CELA1: variants seen among roughly 807,000 people sequenced by gnomAD.
CELA1 encodes the protein chymotrypsin like elastase 1.
Under a neutral mutation model 34.8 loss-of-function variants are expected in CELA1, and 28 were observed. That is an observed-to-expected ratio of 0.80 (90% CI 0.60 to 1.10). CELA1 has a LOEUF of 1.10. CELA1 is among the 50% of genes least tolerant of loss of function. The probability of loss-of-function intolerance (pLI) is 0.00; values close to 1 mark genes in which losing one functional copy is unlikely to be tolerated. For synonymous variants in CELA1, 140 were observed against 129.8 expected (o/e 1.08, Z -0.53); for missense variants, 288 against 327.5 (o/e 0.88, Z 0.93).
At position 51,339,826 on chromosome 12, in the gene CELA1, G is replaced by A. The variant is rs758815666; in HGVS notation, c.609+34C>T. 90 of 1,583,224 alleles carry A rather than the reference G, an allele frequency of 5.7e-5. 1 individual carries two copies. The highest frequency in any genetic ancestry group is 2.4e-4 in the South Asian group (20 of 84,016). On this transcript the variant is annotated intron_variant, in intron 6 of 7. Coordinates refer to ENST00000293636, the MANE Select transcript of CELA1 (RefSeq NM_001971.6). ...GGTGGAGGGATAGGCAGAGAGTGGC[G>A]GGACCTGGGGTGGGACCCCCTGCAA...
intron 5 of CELA1, among the ~76,000 whole-genome samples, chr12:51,340,376 A>ATTTC (rs1363412993): frequency 1.5e-5 from 2 of 136,196 alleles, no homozygotes; most frequent in African/African-American, 5.4e-5. Context: ...GCTTGTTTCC[A>ATTTC]TTTCTTTCTT....
chr12:51,338,207 C>T lies in CELA1; in HGVS notation c.609+1653G>A, dbSNP rs1307498426. Among the ~76,000 whole-genome samples, 13 of 148,968 alleles carry T rather than the reference C, an allele frequency of 8.7e-5. No homozygotes were observed. In the Middle Eastern group the frequency reaches 0.01, roughly 118 times the overall value. ...GAGCTGAGATTGCGCCACTGCACTC[C>T]AGTCTGGGCGACAGAGTGAGACTCC... On this transcript the variant is annotated intron_variant, in intron 6 of 7. Coordinates refer to ENST00000293636, the MANE Select transcript of CELA1 (RefSeq NM_001971.6).
rs1390374592 is a variant in CELA1, at chr12:51,338,285, CACAT to C, written c.609+1571_609+1574del. ...ACACACACACACACACACACACACA[CACAT>C]ACACATACGCATACATATATATATA... On this transcript the variant is annotated intron_variant, in intron 6 of 7. Coordinates refer to ENST00000293636, the MANE Select transcript of CELA1 (RefSeq NM_001971.6). 5.1e-3 allele frequency among the ~76,000 whole-genome samples: 647 copies of C among 126,082 alleles called. 10 individuals carry two copies. The highest frequency in any genetic ancestry group is 0.013 in the East Asian group (57 of 4,456). 82.7% of individuals were successfully genotyped at this position (126,082 alleles called of 152,430 possible).
intron 4 of CELA1, 111 bp from the exon 5 acceptor site, chr12:51,341,491 A>G (rs1172532682): frequency 1.6e-6 from 2 of 1,214,652 alleles, no homozygotes; most frequent in East Asian, 2.4e-5. Flanking sequence ...GAAAGTGACG[A>G]CTTTGAAGAA....
At chr12:51,341,637 T>C (rs892732876) in intron 4 of CELA1, among the ~76,000 whole-genome samples, 3 of 152,036 alleles carry the variant, frequency 2.0e-5, no homozygotes, top group African/African-American at 7.2e-5. Context: ...CCCCGGGAAG[T>C]AGAGAATGGG....
chr12:51,330,501 A>T (rs910996378), intron 6 of CELA1, among the ~76,000 whole-genome samples: 3 of 152,218 alleles, frequency 2.0e-5, no homozygotes, highest in African/African-American at 7.2e-5. Flanking sequence ...AGACCTAAAG[A>T]TACTGACATT....
chr12:51,345,933 A>G, intron 1 of CELA1, 56 bp from the exon 2 acceptor site: 10 of 820,902 alleles, frequency 1.2e-5, no homozygotes, highest in South Asian at 2.9e-5. Context: ...AGCCAGGGGT[A>G]GGGGTGGGGG....
Position 51,339,983 on chromosome 12 carries a change from G to T in CELA1, c.486C>A (p.Thr162=). 1 of 1,613,794 alleles carries T rather than the reference G, an allele frequency of 6.2e-7. No individual in the cohort carries two copies. Among genetic ancestry groups the T allele is most frequent in the South Asian group, 1.1e-5 (1 of 91,024 alleles). ...KTKTNGQLAQ[T]LQQAYLPSVD... ...CAGAGGGCAGGTAAGCCTGCTGCAGGGTCTGGGCCAGCTGCCCATTGGCTG... is the reference window on the plus strand; with the variant it reads ...CAGAGGGCAGGTAAGCCTGCTGCAGTGTCTGGGCCAGCTGCCCATTGGCTG... The change falls in exon 6 of 8, where the codon ACC becomes ACA. Residue 162 remains threonine (T), a synonymous_variant. Coordinates refer to ENST00000293636, the MANE Select transcript of CELA1 (RefSeq NM_001971.6).
chr12:51,329,253 CAAAA>C (rs71089791), intron 7 of CELA1, among the ~76,000 whole-genome samples: 5 of 102,124 alleles, frequency 4.9e-5, no homozygotes, highest in South Asian at 7.4e-4. Flanking sequence ...GACTCTGTCT[CAAAA>C]AAAAAAAAAA....
At chr12:51,342,796 C>T (rs1174655683) in intron 3 of CELA1, 96 bp from the exon 4 acceptor site, 8 of 1,328,366 alleles carry the variant, frequency 6.0e-6, no homozygotes, top group Non-Finnish European at 8.1e-6. Context: ...TTTTTTTAAT[C>T]ATTATTATTT....
intron 5 of CELA1, among the ~76,000 whole-genome samples, chr12:51,340,214 G>C (rs1238878260): frequency 6.6e-6 from 1 of 152,088 alleles, no homozygotes; most frequent in Non-Finnish European, 1.5e-5. Context: ...CTTGCTTACT[G>C]TACCTAGGCT....
chr12:51,340,130 C>T, intron 5 of CELA1, 125 bp from the exon 6 acceptor site: 1 of 788,268 alleles, frequency 1.3e-6, no homozygotes. Context: ...CTTCTCTCTC[C>T]CTGTTGCATG....
intron 6 of CELA1, among the ~76,000 whole-genome samples, chr12:51,338,136 G>A (rs1272131416): frequency 1.3e-5 from 2 of 151,026 alleles, no homozygotes; most frequent in East Asian, 3.9e-4. Context: ...TACTCGGGAG[G>A]CTGAGGCAGA....
chr12:51,343,986 G>A, intron 2 of CELA1, 133 bp from the exon 3 acceptor site: 1 of 633,330 alleles, frequency 1.6e-6, no homozygotes. Flanking sequence ...GTTGAGCCTA[G>A]GAGCTGGAGA....
chr12:51,336,760 C>A (rs1353218258), intron 6 of CELA1, among the ~76,000 whole-genome samples: 7 of 152,200 alleles, frequency 4.6e-5, no homozygotes, highest in African/African-American at 1.4e-4. Context: ...TGTCTCAGGG[C>A]AACAGTGCCC....
chr12:51,344,552 G>A (rs945902879), intron 2 of CELA1, among the ~76,000 whole-genome samples: 6 of 151,638 alleles, frequency 4.0e-5, no homozygotes, highest in East Asian at 3.9e-4. Flanking sequence ...TTAGTCGGGC[G>A]TGGTGGCATG....
rs562391721 is a variant in CELA1 at position 51,339,341 on chromosome 12, G to A, written c.609+519C>T. On this transcript the variant is annotated intron_variant, in intron 6 of 7. Coordinates refer to ENST00000293636, the MANE Select transcript of CELA1 (RefSeq NM_001971.6). ...CAAGGCGGGTGGATCACCTGAGGTC[G>A]GGAGTTCGAGATCAGCCTGAGCAAC... Among the ~76,000 whole-genome samples the A allele has an allele frequency of 4.0e-4, 61 of 152,246 alleles. No homozygotes were observed. The South Asian group carries it at 4.8e-3, about 12-fold the overall frequency.
In CELA1 at chr12:51,342,574, C is replaced by G. The variant is rs151111131; in HGVS notation, c.326+1G>C. On this transcript the variant is annotated splice_donor_variant, in intron 4 of 7. Transcript: ENST00000293636. LOFTEE classifies it high-confidence loss of function. ...CAGGGCCAGCTTGGACTTGCTCCTA[C>G]CCGGCAGCCACGTTATCGCTGTTCC... 2 of 1,614,052 alleles carry G rather than the reference C, an allele frequency of 1.2e-6. No individual in the cohort carries two copies. Among genetic ancestry groups the G allele is most frequent in the African/African-American group, 1.3e-5 (1 of 74,934 alleles).
intron 3 of CELA1, 109 bp from the exon 4 acceptor site, chr12:51,342,809 G>GA: frequency 7.8e-7 from 1 of 1,280,542 alleles, no homozygotes; most frequent in Non-Finnish European, 1.0e-6. Context: ...TATTATTTAG[G>GA]AAATTTTTTT....
Sources: gnomAD v4.1 joint callset for allele counts (sites outside exome capture counted in the v4.1 genomes callset) on GRCh38, gnomAD v4.1.1 for gene constraint, MANE v1.5 for transcripts, NCBI Gene and HGNC (gene_info 2026-07-23, HGNC 2026-07-21) for gene names.